Variants in GPR39 observed in about 807,000 individuals in gnomAD.
GPR39 encodes zinc sensing receptor.
Under a neutral mutation model 18.4 loss-of-function variants are expected in GPR39, and 23 were observed. The observed-to-expected ratio is 1.25, with a 90% CI of 0.90 to 1.77. GPR39 has a LOEUF of 1.77. GPR39 is among the 40% of genes most tolerant of loss of function. The pLI is 0.00. For missense variants in GPR39, 647 were observed against 602.4 expected (o/e 1.07, Z -0.78); for synonymous variants, 280 against 257.9 (o/e 1.09, Z -0.82).
chr2:132,552,919 C>CACACACATATATAT (rs1680074033), intron 1 of GPR39, among the ~76,000 whole-genome samples: 1 of 62,358 alleles, frequency 1.6e-5, no homozygotes, highest in African/African-American at 9.5e-5. Context: ...CATATATATA[C>CACACACATATATAT]ACACACACAC....
chr2:132,501,054 G>GTTTTTTTTTTTTTTTTTTTTTGTTT (rs55720929), intron 1 of GPR39, among the ~76,000 whole-genome samples: 2 of 90,324 alleles, frequency 2.2e-5, no homozygotes, highest in African/African-American at 8.2e-5. Context: ...TATCTTTTGT[G>GTTTTTTTTTTTTTTTTTTTTTGTTT]TTTTTTTTTT....
intron 1 of GPR39, among the ~76,000 whole-genome samples, chr2:132,464,232 T>A (rs1680882648): frequency 6.6e-6 from 1 of 152,202 alleles, no homozygotes; most frequent in African/African-American, 2.4e-5. Context: ...TCTGGATTGA[T>A]TTACTTCCCC....
In GPR39 at chr2:132,465,883, A is replaced by G. The variant is rs141844166; in HGVS notation, c.856+47985A>G. Reference sequence around the variant, plus strand: ...ATATAATGTATCTGAACTGTTGCTTAGCATAAAATAACTGCTTCTTAAACT... The same window carrying G: ...ATATAATGTATCTGAACTGTTGCTTGGCATAAAATAACTGCTTCTTAAACT... On this transcript the variant is annotated intron_variant, in intron 1 of 1. Coordinates refer to ENST00000329321, the MANE Select transcript of GPR39 (RefSeq NM_001508.3). Among the ~76,000 whole-genome samples the G allele has an allele frequency of 3.0e-4, 46 of 152,336 alleles. 1 individual carries two copies. The East Asian group carries it at 7.1e-3, about 24-fold the overall frequency.
At chr2:132,600,467 A>T (rs1242887603) in intron 1 of GPR39, among the ~76,000 whole-genome samples, 1 of 152,170 alleles carries the variant, frequency 6.6e-6, no homozygotes, top group African/African-American at 2.4e-5. Context: ...AAAAGATAAA[A>T]TTGACAAAAC....
At chr2:132,486,282 C>A (rs1681337177) in intron 1 of GPR39, among the ~76,000 whole-genome samples, 2 of 152,154 alleles carry the variant, frequency 1.3e-5, no homozygotes, top group Admixed American at 1.3e-4. Context: ...TTCTGAAGGA[C>A]CCTAGGATTC....
At chr2:132,469,806 G>C (rs1304300776) in intron 1 of GPR39, among the ~76,000 whole-genome samples, 1 of 152,144 alleles carries the variant, frequency 6.6e-6, no homozygotes, top group Non-Finnish European at 1.5e-5. Context: ...CATGCTGGCT[G>C]GTGGGGTTGA....
rs369920635 is a variant in GPR39 at position 132,646,224 on chromosome 2, C to T, written c.*618C>T. Reference sequence around the variant, plus strand: ...CCTGGGGAGCAGAAGGACTGGTACCCGGCAGAGGCGATGAGACAGGCCGCT... The same window carrying T: ...CCTGGGGAGCAGAAGGACTGGTACCTGGCAGAGGCGATGAGACAGGCCGCT... On this transcript the variant is annotated 3_prime_UTR_variant, in exon 2 of 2. Coordinates refer to ENST00000329321, the MANE Select transcript of GPR39 (RefSeq NM_001508.3). The T allele has an allele frequency of 1.3e-5, 21 of 1,595,914 alleles. No homozygotes were observed. The highest frequency in any genetic ancestry group is 1.7e-4 in the Middle Eastern group (1 of 5,992).
chr2:132,633,231 G>A (rs1254502722), intron 1 of GPR39, among the ~76,000 whole-genome samples: 2 of 152,030 alleles, frequency 1.3e-5, no homozygotes, highest in Non-Finnish European at 2.9e-5. Context: ...AGTCCTTGGG[G>A]GATTTGCAAT....
At chr2:132,426,109 A>G (rs1025641625) in intron 1 of GPR39, among the ~76,000 whole-genome samples, 1 of 152,222 alleles carries the variant, frequency 6.6e-6, no homozygotes, top group Middle Eastern at 3.2e-3. Flanking sequence ...TATAACTTCC[A>G]AGACAGGTTC....
intron 1 of GPR39, among the ~76,000 whole-genome samples, chr2:132,644,369 C>T (rs531640637): frequency 6.6e-6 from 1 of 152,352 alleles, no homozygotes; most frequent in African/African-American, 2.4e-5. Context: ...GAACATGTTA[C>T]TGGCTGAACT....
intron 1 of GPR39, among the ~76,000 whole-genome samples, chr2:132,605,451 T>G (rs968026330): frequency 1.3e-5 from 2 of 151,878 alleles, no homozygotes; most frequent in African/African-American, 4.8e-5. Flanking sequence ...CAAATGAACA[T>G]CTCATTGATG....
At chr2:132,621,656 G>A (rs943563299) in intron 1 of GPR39, among the ~76,000 whole-genome samples, 2 of 152,250 alleles carry the variant, frequency 1.3e-5, no homozygotes, top group African/African-American at 2.4e-5. Context: ...TGCCACAGAA[G>A]GTTTGAGTAT....
intron 1 of GPR39, among the ~76,000 whole-genome samples, chr2:132,541,691 A>G (rs1679864358): frequency 6.6e-6 from 1 of 152,126 alleles, no homozygotes; most frequent in African/African-American, 2.4e-5. Context: ...TTTCTGCCTC[A>G]TTGATTGCCA....
chr2:132,519,773 C>G (rs1316621525), intron 1 of GPR39, among the ~76,000 whole-genome samples: 1 of 152,190 alleles, frequency 6.6e-6, no homozygotes, highest in Non-Finnish European at 1.5e-5. Flanking sequence ...TAAGCTTCAG[C>G]CTGGCACAAT....
intron 1 of GPR39, among the ~76,000 whole-genome samples, chr2:132,504,426 C>G (rs1328009931): frequency 1.3e-5 from 2 of 152,170 alleles, no homozygotes; most frequent in Non-Finnish European, 2.9e-5. Flanking sequence ...CTCTTGGGCC[C>G]CAGTTCTAGA....
chr2:132,552,796 A>ATG lies in GPR39; in HGVS notation c.857-92283_857-92282dup, dbSNP rs59345614. 1.7e-3 allele frequency among the ~76,000 whole-genome samples: 240 copies of ATG among 144,922 alleles called. No individual in the cohort carries two copies. The Middle Eastern group carries it at 0.022, about 13-fold the overall frequency. ...CACAGTAGCCTACCAATGTGTATATATGTGTGTGTGTGTGTGTGTGTGTAT... is the reference window on the plus strand; with the variant it reads ...CACAGTAGCCTACCAATGTGTATATATGTGTGTGTGTGTGTGTGTGTGTGTAT... On this transcript the variant is annotated intron_variant, in intron 1 of 1. Coordinates refer to ENST00000329321, the MANE Select transcript of GPR39 (RefSeq NM_001508.3).
At chr2:132,517,897 G>T (rs1298246314) in intron 1 of GPR39, among the ~76,000 whole-genome samples, 2 of 152,178 alleles carry the variant, frequency 1.3e-5, no homozygotes, top group Non-Finnish European at 2.9e-5. Flanking sequence ...CTTAGATAAA[G>T]AAAGTCAGAA....
chr2:132,593,973 T>C (rs982630374), intron 1 of GPR39, among the ~76,000 whole-genome samples: 3 of 152,160 alleles, frequency 2.0e-5, no homozygotes, highest in Admixed American at 6.5e-5. Flanking sequence ...TCCCTGATAT[T>C]TTGTCCAGGT....
intron 1 of GPR39, among the ~76,000 whole-genome samples, chr2:132,494,862 C>A (rs1364852063): frequency 6.6e-6 from 1 of 151,872 alleles, no homozygotes; most frequent in Non-Finnish European, 1.5e-5. Context: ...TTGGAAAAAA[C>A]TGAGGTTATA....
Sources: gnomAD v4.1 joint callset for allele counts (sites outside exome capture counted in the v4.1 genomes callset) on GRCh38, gnomAD v4.1.1 for gene constraint, MANE v1.5 for transcripts, NCBI Gene and HGNC (gene_info 2026-07-23, HGNC 2026-07-21) for gene names.